MSI2: variants seen among roughly 807,000 people sequenced by gnomAD.
The protein encoded by MSI2 is musashi RNA binding protein 2.
Under a neutral mutation model 45.6 loss-of-function variants are expected in MSI2, and 17 were observed. That is an observed-to-expected ratio of 0.37 (90% CI 0.26 to 0.56). The LOEUF (loss-of-function observed/expected upper bound fraction) is 0.56, where lower values mean the gene tolerates loss of function less well. Among genes scored for constraint, MSI2 ranks in the 20% least tolerant of loss-of-function variants. The pLI is 0.77. For synonymous variants in MSI2, 156 were observed against 158.2 expected (o/e 0.99, Z 0.11); for missense variants, 293 against 444.2 (o/e 0.66, Z 3.06).
intron 5 of MSI2, among the ~76,000 whole-genome samples, chr17:57,289,197 C>T (rs935271464): frequency 1.4e-4 from 21 of 152,194 alleles, no homozygotes; most frequent in African/African-American, 4.6e-4. Flanking sequence ...GTTTGATTTC[C>T]ACGGCTCCTG....
At chr17:57,438,886 G>A (rs1567823601) in intron 6 of MSI2, among the ~76,000 whole-genome samples, 1 of 151,058 alleles carries the variant, frequency 6.6e-6, no homozygotes, top group Non-Finnish European at 1.5e-5. Flanking sequence ...TGCAACCCCC[G>A]CCTCCTGGAT....
At chr17:57,354,507 G>C (rs955573932) in intron 5 of MSI2, among the ~76,000 whole-genome samples, 1 of 152,170 alleles carries the variant, frequency 6.6e-6, no homozygotes, top group South Asian at 2.1e-4. Flanking sequence ...GATTCCAGGT[G>C]GGGGAGGGGT....
rs1426328872 is a variant in MSI2, at chr17:57,289,219, T to C, written c.312+27027T>C. ...TTCCACGGCTCCTGCTGGTCTTCCCTTTTGGTTAAGTGAAAGGGCAGGGAG... is the reference window on the plus strand; with the variant it reads ...TTCCACGGCTCCTGCTGGTCTTCCCCTTTGGTTAAGTGAAAGGGCAGGGAG... On this transcript the variant is annotated intron_variant, in intron 5 of 13. Transcript: ENST00000284073. Among the ~76,000 whole-genome samples the C allele has an allele frequency of 2.0e-5, 3 of 152,188 alleles. No individual in the cohort carries two copies. The East Asian group carries it at 5.8e-4, about 29-fold the overall frequency.
chr17:57,336,385 T>A (rs888878229), intron 5 of MSI2, among the ~76,000 whole-genome samples: 2 of 152,244 alleles, frequency 1.3e-5, no homozygotes, highest in Non-Finnish European at 2.9e-5. Flanking sequence ...CCAGTTTTCT[T>A]CTTCTCTTAC....
chr17:57,401,333 T>C, intron 5 of MSI2, 46 bp from the exon 6 acceptor site: 7 of 1,511,800 alleles, frequency 4.6e-6, no homozygotes, highest in Non-Finnish European at 6.4e-6. Flanking sequence ...AGCCCTGCTT[T>C]AGATAACCTG....
At chr17:57,604,497 TCCTAGGAAAGGAGGTGGTGCA>T (rs1906304030) in intron 8 of MSI2, among the ~76,000 whole-genome samples, 1 of 151,840 alleles carries the variant, frequency 6.6e-6, no homozygotes, top group Non-Finnish European at 1.5e-5. Flanking sequence ...CTGGGGATGG[TCCTAGGAAAGGAGGTGGTGCA>T]CCTCCCAAAG....
chr17:57,662,329 A>G (rs1351813067), intron 11 of MSI2, among the ~76,000 whole-genome samples: 2 of 152,196 alleles, frequency 1.3e-5, no homozygotes, highest in African/African-American at 2.4e-5. Flanking sequence ...TAAGTGGTCA[A>G]TAGAATGCTA....
chr17:57,594,216 G>A (rs781568512), intron 7 of MSI2, among the ~76,000 whole-genome samples: 28 of 152,316 alleles, frequency 1.8e-4, no homozygotes, highest in Middle Eastern at 6.8e-3. Flanking sequence ...CAATTTCCGC[G>A]GCCTCCGCAG....
chr17:57,468,599 A>G (rs2085375494), intron 6 of MSI2, among the ~76,000 whole-genome samples: 2 of 151,492 alleles, frequency 1.3e-5, no homozygotes, highest in Non-Finnish European at 2.9e-5. Flanking sequence ...TGTTGTTACT[A>G]CTGAAAGTTG....
intron 5 of MSI2, among the ~76,000 whole-genome samples, chr17:57,325,839 T>C (rs142604265): frequency 6.6e-6 from 1 of 152,348 alleles, no homozygotes; most frequent in African/African-American, 2.4e-5. Flanking sequence ...GCATGACTTA[T>C]GCACAATTTG....
chr17:57,517,360 C>T (rs965292448), intron 6 of MSI2, among the ~76,000 whole-genome samples: 3 of 152,180 alleles, frequency 2.0e-5, no homozygotes. Context: ...ATTCGGGTGC[C>T]TGATGCTATA....
At chr17:57,533,436 G>A (rs1341264179) in intron 7 of MSI2, among the ~76,000 whole-genome samples, 1 of 152,204 alleles carries the variant, frequency 6.6e-6, no homozygotes, top group Non-Finnish European at 1.5e-5. Context: ...TTTCCTGGGG[G>A]CACATTCCCT....
the MSI2 span, among the ~76,000 whole-genome samples, chr17:57,693,287 A>G: frequency 6.6e-6 from 1 of 151,986 alleles, no homozygotes; most frequent in Admixed American, 6.6e-5. Context: ...GGTTCAAGCA[A>G]TCATCCCACC....
rs1011726967 is a variant in MSI2, at chr17:57,652,325, A to G, written c.790+164A>G. The stretch of plus-strand genomic sequence containing the variant: ...GGGGGTGGACCGGGAGGCGCGGGCA[A>G]GGCCTGGCCACCCAGGGCACTTGTA... On this transcript the variant is annotated intron_variant, in intron 11 of 13. Coordinates refer to ENST00000284073, the MANE Select transcript of MSI2 (RefSeq NM_138962.4). The surrounding 1 kb of genome is among the most constrained non-coding windows in gnomAD (Gnocchi z 4.1). Among the ~76,000 whole-genome samples the G allele has an allele frequency of 3.3e-5, 5 of 152,066 alleles. No homozygotes were observed. The highest frequency in any genetic ancestry group is 1.2e-4 in the African/African-American group (5 of 41,402).
chr17:57,676,909 A>T, intron 12 of MSI2, 78 bp from the exon 13 acceptor site: 1 of 939,896 alleles, frequency 1.1e-6, no homozygotes. Context: ...AGTCCTAGAG[A>T]TAATTTCCTT....
chr17:57,689,044 A>C (rs1913934170), downstream of MSI2, among the ~76,000 whole-genome samples: 1 of 152,202 alleles, frequency 6.6e-6, no homozygotes, highest in Non-Finnish European at 1.5e-5. Context: ...TGTCCTTTTT[A>C]ATTTTTCAAA....
rs1443123078 is a variant in MSI2, at chr17:57,682,500, A to G, written c.*2983A>G. On this transcript the variant is annotated 3_prime_UTR_variant, in exon 14 of 14. Coordinates refer to ENST00000284073, the MANE Select transcript of MSI2 (RefSeq NM_138962.4). ...CAGAAGAAATTGATAATCTGTGTGA[A>G]TATGTTTTAGATGTTTATATACCTT... 2 of 205,084 alleles carry G rather than the reference A, an allele frequency of 9.8e-6. No homozygotes were observed. Among genetic ancestry groups the G allele is most frequent in the Non-Finnish European group, 2.0e-5 (2 of 100,500 alleles). The allele number at this position is 205,084 out of a possible 1,614,324, so 12.7% of individuals were successfully genotyped here.
intron 6 of MSI2, among the ~76,000 whole-genome samples, chr17:57,405,281 C>T (rs904374903): frequency 2.0e-5 from 3 of 152,162 alleles, no homozygotes; most frequent in African/African-American, 4.8e-5. Context: ...CTCACTTCTG[C>T]TCTTGTAGGA....
intron 6 of MSI2, among the ~76,000 whole-genome samples, chr17:57,513,264 A>G (rs2086396700): frequency 6.6e-6 from 1 of 152,104 alleles, no homozygotes; most frequent in Non-Finnish European, 1.5e-5. Flanking sequence ...ATGAGCCACC[A>G]CGCTCGGCTG....
Sources: allele counts gnomAD v4.1 joint callset (sites outside exome capture counted in the v4.1 genomes callset), GRCh38; gene constraint gnomAD v4.1.1; non-coding constraint Gnocchi (gnomAD v3.1); transcripts MANE v1.5; gene names NCBI Gene and HGNC (gene_info 2026-07-23, HGNC 2026-07-21).